ZNF746: variants seen among roughly 807,000 people sequenced by gnomAD.
ZNF746 encodes the protein zinc finger protein 746, also known as parkin-interacting substrate.
In ZNF746, 13 loss-of-function variants were observed where a neutral mutation model predicts 41.0. That is an observed-to-expected ratio of 0.32 (90% CI 0.21 to 0.50). The LOEUF (loss-of-function observed/expected upper bound fraction) is 0.50. Among genes scored for constraint, ZNF746 ranks in the 20% least tolerant of loss-of-function variants. The pLI, the probability that ZNF746 is intolerant of heterozygous loss-of-function variation, is 0.98. For missense variants in ZNF746, 811 were observed against 922.9 expected, an observed-to-expected ratio of 0.88 and a Z score of 1.57; for synonymous variants, 424 against 396.2, an observed-to-expected ratio of 1.07 and a Z score of -0.83.
chr7:149,492,074 G>T, intron 4 of ZNF746: 1 of 691,988 alleles, frequency 1.4e-6, no homozygotes, highest in Non-Finnish European at 2.6e-6. Context: ...GTTGGTTCTT[G>T]GAGGCAAGGC....
In ZNF746 at chr7:149,473,338, T is replaced by C. The variant is rs1305776982; in HGVS notation, c.*1046A>G. The C allele has an allele frequency of 2.0e-5, 3 of 152,230 alleles. No individual in the cohort carries two copies. The highest frequency in any genetic ancestry group is 7.2e-5 in the African/African-American group (3 of 41,458). The allele number at this position is 152,230 out of a possible 1,614,324, so 9.4% of individuals were successfully genotyped here. ...CAGTAGAATGAGGCATCTCGCCTGT[T>C]GCTCTTCCCCACTCATGGCACGCCA... is the stretch of plus-strand genomic sequence containing the variant. On this transcript the variant is annotated 3_prime_UTR_variant, in exon 7 of 7. Transcript: ENST00000458143.
Position 149,494,443 on chromosome 7 carries a change from C to A in ZNF746, c.85G>T (p.Ala29Ser), listed in dbSNP as rs755665583. Residue 29 changes from alanine (A) to serine (S), a missense_variant, in exon 2 of 7, where the codon GCT becomes TCT. Physicochemically the swap from Ala to Ser is moderately conservative, Grantham distance 99 (BLOSUM62 1). Around this residue, in one of 4 missense-constraint regions of ZNF746, gnomAD observed 147 missense variants for 233.4 expected, o/e 0.63. Transcript: ENST00000458143. This position sits in a 1 kb window ranked among gnomAD's most constrained non-coding sequence, Gnocchi z 5.6. Reference protein sequence around the residue: ...QAMERKIESQAARLLSLEGRT... With the variant: ...QAMERKIESQSARLLSLEGRT... ...CCTTCTAGGGAAAGCAGGCGAGCAGCCTGCGATTCAATCTTCCTCTCCATG... is the reference window on the plus strand; with the variant it reads ...CCTTCTAGGGAAAGCAGGCGAGCAGACTGCGATTCAATCTTCCTCTCCATG... The A allele has an allele frequency of 1.2e-6, 2 of 1,614,004 alleles. No homozygotes were observed. Among genetic ancestry groups the A allele is most frequent in the South Asian group, 1.1e-5 (1 of 91,078 alleles).
Position 149,497,403 on chromosome 7 carries a change from T to C in ZNF746, c.24+110A>G. ...TTCGCGGGAGCCCCAGGCCCGGTGG[T>C]CCGGCCCGGACCCCGGAACCCCTCC... On this transcript the variant is annotated intron_variant, in intron 1 of 6. Transcript: ENST00000458143. The surrounding 1 kb of genome is among the most constrained non-coding windows in gnomAD (Gnocchi z 4.2). 1 of 1,009,834 alleles carries C rather than the reference T, an allele frequency of 9.9e-7. No homozygotes were observed. Among genetic ancestry groups the C allele is most frequent in the Non-Finnish European group, 1.2e-6 (1 of 842,034 alleles). The allele number at this position is 1,009,834 out of a possible 1,614,324, so 62.6% of individuals were successfully genotyped here.
chr7:149,475,231 G>A lies in ZNF746; in HGVS notation c.1136C>T (p.Ala379Val), dbSNP rs1226541126. 37 of 1,613,026 alleles carry A rather than the reference G, an allele frequency of 2.3e-5. No homozygotes were observed. The highest frequency in any genetic ancestry group is 3.1e-5 in the Non-Finnish European group (37 of 1,179,764). ...RDMGELSPAV[A>V]QEETPPGDWL... ...GTCCCCAGGAGGGGTCTCCTCCTGGGCCACAGCAGGACTGAGCTCACCCAT... is the reference window on the plus strand; with the variant it reads ...GTCCCCAGGAGGGGTCTCCTCCTGGACCACAGCAGGACTGAGCTCACCCAT... The change falls in exon 7 of 7, where the codon GCC (alanine) becomes GTC (valine). Residue 379 changes from alanine (A) to valine (V), a missense_variant. Around this residue, in one of 4 missense-constraint regions of ZNF746, gnomAD observed 495 missense variants for 481.6 expected, o/e 1.03. Transcript: ENST00000458143.
At chr7:149,486,572 C>G (rs546467492) in intron 4 of ZNF746, among the ~76,000 whole-genome samples, 3 of 152,198 alleles carry the variant, frequency 2.0e-5, no homozygotes, top group African/African-American at 7.2e-5. Flanking sequence ...GGATGGCTCT[C>G]AAAAACATAA....
At chr7:149,485,662 T>C (rs1800603890) in intron 4 of ZNF746, among the ~76,000 whole-genome samples, 1 of 152,150 alleles carries the variant, frequency 6.6e-6, no homozygotes, top group Admixed American at 6.5e-5. Context: ...ATGAAAAGCA[T>C]CTGTTCTTTA....
intron 4 of ZNF746, chr7:149,491,593 G>A (rs554827322): frequency 9.2e-6 from 4 of 436,156 alleles, no homozygotes; most frequent in South Asian, 6.0e-5. Context: ...TCCCGATGAC[G>A]ACTGGCAAAG....
In ZNF746 at chr7:149,494,604, A is replaced by G; in HGVS notation, c.25-101T>C. 1.7e-5 allele frequency: 24 copies of G among 1,377,924 alleles called. No homozygotes were observed. Among genetic ancestry groups the G allele is most frequent in the Non-Finnish European group, 2.4e-5 (24 of 995,574 alleles). The allele number at this position is 1,377,924 out of a possible 1,614,324, so 85.4% of individuals were successfully genotyped here. The stretch of plus-strand genomic sequence containing the variant: ...CGGGGGAGTTGGGCTGGGAGTCCAT[A>G]TGTGTGGACAAGTGGGGCTATCCTA... On this transcript the variant is annotated intron_variant, in intron 1 of 6. Transcript: ENST00000458143. The surrounding 1 kb of genome is among the most constrained non-coding windows in gnomAD (Gnocchi z 5.6).
intron 4 of ZNF746, among the ~76,000 whole-genome samples, chr7:149,481,314 A>G (rs935447937): frequency 2.0e-5 from 3 of 152,246 alleles, no homozygotes; most frequent in African/African-American, 7.2e-5. Flanking sequence ...TCCCTTGTAT[A>G]AATTGGTGTA....
In ZNF746 at chr7:149,497,084, G is replaced by A. The variant is rs1461567371; in HGVS notation, c.24+429C>T. 5 of 985,272 alleles carry A rather than the reference G, an allele frequency of 5.1e-6. No individual in the cohort carries two copies. Among genetic ancestry groups the A allele is most frequent in the Non-Finnish European group, 6.0e-6 (5 of 829,924 alleles). The allele number at this position is 985,272 out of a possible 1,614,324, so 61.0% of individuals were successfully genotyped here. On this transcript the variant is annotated intron_variant, in intron 1 of 6. Transcript: ENST00000458143. The surrounding 1 kb of genome is among the most constrained non-coding windows in gnomAD (Gnocchi z 4.2). ...CCGGGAAGCTGGGCACGTAGTGGGA[G>A]TCGGTGTATGCGGATTCGAAGCCGG...
At position 149,497,557 on chromosome 7, in the gene ZNF746, G is replaced by GGT; in HGVS notation, c.-22_-21insAC. On this transcript the variant is annotated 5_prime_UTR_variant, in exon 1 of 7. Coordinates refer to ENST00000458143, the MANE Select transcript of ZNF746 (RefSeq NM_001394198.1). The surrounding 1 kb of genome is among the most constrained non-coding windows in gnomAD (Gnocchi z 4.2). ...GCCATGGCCCTGCGCTGTCCCGCCC[G>GGT]GCCCGGAGGAAGTCGTCGTCGCCGC... is the stretch of plus-strand genomic sequence containing the variant. 1 of 1,061,570 alleles carries GGT rather than the reference G, an allele frequency of 9.4e-7. No individual in the cohort carries two copies. Among genetic ancestry groups the GGT allele is most frequent in the Non-Finnish European group, 1.1e-6 (1 of 882,526 alleles). The allele number at this position is 1,061,570 out of a possible 1,614,324, so 65.8% of individuals were successfully genotyped here.
At chr7:149,491,694 C>G (rs1267256066) in intron 4 of ZNF746, 2 of 576,202 alleles carry the variant, frequency 3.5e-6, no homozygotes, top group African/African-American at 3.7e-5. Context: ...TAATTTCACA[C>G]AAGTGGCGCA....
intron 6 of ZNF746, 46 bp downstream of exon 6, chr7:149,476,876 C>G (rs940162122): frequency 6.2e-6 from 10 of 1,612,670 alleles, no homozygotes; most frequent in Non-Finnish European, 8.5e-6. Flanking sequence ...GAGGTACTCC[C>G]CACAGGCAAG....
At chr7:149,483,184 G>GA (rs1489610801) in intron 4 of ZNF746, among the ~76,000 whole-genome samples, 1 of 151,920 alleles carries the variant, frequency 6.6e-6, no homozygotes, top group Non-Finnish European at 1.5e-5. Flanking sequence ...CTGAGTCTAA[G>GA]AAAAAAATCA....
chr7:149,479,855 G>C (rs546052215), intron 4 of ZNF746, among the ~76,000 whole-genome samples: 21 of 152,108 alleles, frequency 1.4e-4, no homozygotes, highest in African/African-American at 3.6e-4. Context: ...AGCCATGTTT[G>C]TGCCACTACA....
chr7:149,484,901 A>G (rs1800577711), intron 4 of ZNF746, among the ~76,000 whole-genome samples: 1 of 152,126 alleles, frequency 6.6e-6, no homozygotes, highest in African/African-American at 2.4e-5. Flanking sequence ...CCTATCAGTT[A>G]CAATTTTTCT....
chr7:149,495,745 A>T (rs1800975571), intron 1 of ZNF746, among the ~76,000 whole-genome samples: 2 of 152,208 alleles, frequency 1.3e-5, no homozygotes, highest in Non-Finnish European at 2.9e-5. Context: ...TAGAGACAAA[A>T]GGAGAGTTTG....
At chr7:149,493,018 C>A in intron 3 of ZNF746, 46 bp from the exon 4 acceptor site, 1 of 1,306,618 alleles carries the variant, frequency 7.7e-7, no homozygotes, top group Non-Finnish European at 1.1e-6. Flanking sequence ...CCAGTCAAAG[C>A]TGGGGACAGT....
chr7:149,477,132 T>G, intron 5 of ZNF746, 85 bp from the exon 6 acceptor site: 2 of 1,469,232 alleles, frequency 1.4e-6, no homozygotes, highest in Non-Finnish European at 1.8e-6. Flanking sequence ...CAGGCTAAAC[T>G]CTGAGGTCCC....
Sources: allele counts gnomAD v4.1 joint callset (sites outside exome capture counted in the v4.1 genomes callset), GRCh38; gene constraint gnomAD v4.1.1; regional missense constraint gnomAD v4.1.1; non-coding constraint Gnocchi (gnomAD v3.1); transcripts MANE v1.5; gene names NCBI Gene and HGNC (gene_info 2026-07-23, HGNC 2026-07-21).